The following FRAS1 variants were observed in gnomAD, a reference collection of about 807,000 sequenced individuals.
FRAS1 encodes Fraser extracellular matrix complex subunit 1.
In FRAS1, 290 loss-of-function variants were observed where a neutral mutation model predicts 435.2. The ratio of observed to expected loss-of-function variants is 0.67; its 90% CI spans 0.61 to 0.73. The LOEUF is 0.73. Among genes scored for constraint, FRAS1 ranks in the 30% least tolerant of loss-of-function variants. The pLI is 0.00. For missense variants in FRAS1, 4,860 were observed against 5,001.5 expected (o/e 0.97, Z 0.85); for synonymous variants, 1,800 against 1,851.0 (o/e 0.97, Z 0.71).
chr4:78,452,333 T>G lies in FRAS1; in HGVS notation c.6742T>G (p.Leu2248Val), dbSNP rs778088887. ...RITRQPQLGH[L>V]EHAASPGIQI... Reference sequence around the variant, plus strand: ...CACCAGACAGCCCCAGCTGGGCCACTTGGAACATGCAGCATCACCAGGTAA... The same window carrying G: ...CACCAGACAGCCCCAGCTGGGCCACGTGGAACATGCAGCATCACCAGGTAA... Residue 2248 changes from leucine (L) to valine (V), a missense_variant, in exon 47 of 74, where the codon TTG becomes GTG. Leu to Val is a conservative substitution (Grantham distance 32, BLOSUM62 1). Coordinates refer to ENST00000512123, the MANE Select transcript of FRAS1 (RefSeq NM_025074.7). The G allele has an allele frequency of 1.0e-5, 16 of 1,606,604 alleles. No homozygotes were observed. Among genetic ancestry groups the G allele is most frequent in the Non-Finnish European group, 1.3e-5 (15 of 1,177,996 alleles).
chr4:78,175,662 C>G (rs1211138380), intron 2 of FRAS1, among the ~76,000 whole-genome samples: 1 of 152,182 alleles, frequency 6.6e-6, no homozygotes, highest in Non-Finnish European at 1.5e-5. Flanking sequence ...TTCTGGGAAC[C>G]TGGAAGCAGA....
chr4:78,330,921 C>T (rs745503303), intron 18 of FRAS1, among the ~76,000 whole-genome samples: 1 of 152,150 alleles, frequency 6.6e-6, no homozygotes, highest in African/African-American at 2.4e-5. Flanking sequence ...TCCTCCTTCC[C>T]CTTTTGAAAC....
At position 78,452,331 on chromosome 4, in the gene FRAS1, A is replaced by G; in HGVS notation, c.6740A>G (p.His2247Arg). 1 of 1,606,794 alleles carries G rather than the reference A, an allele frequency of 6.2e-7. No homozygotes were observed. The highest frequency in any genetic ancestry group is 8.5e-7 in the Non-Finnish European group (1 of 1,178,052). Residue 2247 changes from histidine to arginine, a missense_variant, in exon 47 of 74, where the codon CAC becomes CGC. Coordinates refer to ENST00000512123, the MANE Select transcript of FRAS1 (RefSeq NM_025074.7). ...YRITRQPQLG[H>R]LEHAASPGIQ... is the part of the protein sequence containing the mutation. ...ATCACCAGACAGCCCCAGCTGGGCC[A>G]CTTGGAACATGCAGCATCACCAGGT...
At chr4:78,408,429 T>C (rs940504165) in intron 31 of FRAS1, among the ~76,000 whole-genome samples, 1 of 152,180 alleles carries the variant, frequency 6.6e-6, no homozygotes, top group African/African-American at 2.4e-5. Context: ...ATGTTTAGGT[T>C]AGATAATGGC....
intron 18 of FRAS1, among the ~76,000 whole-genome samples, chr4:78,329,412 T>C (rs764890950): frequency 6.6e-6 from 1 of 152,204 alleles, no homozygotes; most frequent in Admixed American, 6.5e-5. Flanking sequence ...TGTTTTCACT[T>C]TAATCGCTGT....
chr4:78,265,039 C>A lies in FRAS1; in HGVS notation c.618C>A (p.Val206=). Residue 206 remains valine (V), a synonymous_variant, in exon 7 of 74, where the codon GTC becomes GTA. Coordinates refer to ENST00000512123, the MANE Select transcript of FRAS1 (RefSeq NM_025074.7). ...TGCGTGTTAAGGATGAGACTGTAGT[C>A]CGAGTCCCTGGAAAATGTTGCCCGC... ...PLFCNQDETV[V]RVPGKCCPQC... 1.9e-6 allele frequency: 3 copies of A among 1,609,670 alleles called. No homozygotes were observed. The highest frequency in any genetic ancestry group is 2.6e-6 in the Non-Finnish European group (3 of 1,176,276).
intron 2 of FRAS1, among the ~76,000 whole-genome samples, chr4:78,232,614 T>C (rs912251363): frequency 6.6e-6 from 1 of 152,160 alleles, no homozygotes; most frequent in African/African-American, 2.4e-5. Flanking sequence ...ATAGGTCCAA[T>C]ACCTAGATGA....
intron 2 of FRAS1, among the ~76,000 whole-genome samples, chr4:78,081,032 T>C (rs1185062102): frequency 1.3e-5 from 2 of 152,172 alleles, no homozygotes; most frequent in Non-Finnish European, 2.9e-5. Flanking sequence ...CTTGATTTGT[T>C]TGGGGCCTAG....
chr4:78,387,684 G>C lies in FRAS1; in HGVS notation c.3958G>C (p.Val1320Leu). The C allele has an allele frequency of 6.5e-7, 1 of 1,528,216 alleles. No homozygotes were observed. The highest frequency in any genetic ancestry group is 1.4e-5 in the South Asian group (1 of 73,476). The allele number at this position is 1,528,216 out of a possible 1,614,324, so 94.7% of individuals were successfully genotyped here. A position where few individuals can be genotyped will look rare whatever the true frequency, so the allele number is the denominator to read the frequency against. ...GHSFHNILFQ[V>L]KTVPQNDRGL... ...CTCCTTCCATAATATACTGTTCCAA[G>C]TGAAGACCGTGCCTCAGGTAGGTGT... The change falls in exon 29 of 74, where the codon GTG (valine) becomes CTG (leucine). Residue 1320 changes from valine (V) to leucine (L), a missense_variant. Physicochemically the swap from Val to Leu is conservative, Grantham distance 32. Transcript: ENST00000512123.
At position 78,422,747 on chromosome 4, in the gene FRAS1, A is replaced by G. The variant is rs139480103; in HGVS notation, c.4678+747A>G. ...TGGAAGTTTTCAGGTATAGGGAACTAGGGAATGGCTTTTCAAAAGAAACTC... is the reference window on the plus strand; with the variant it reads ...TGGAAGTTTTCAGGTATAGGGAACTGGGGAATGGCTTTTCAAAAGAAACTC... On this transcript the variant is annotated intron_variant, in intron 34 of 73. Transcript: ENST00000512123. Among the ~76,000 whole-genome samples, 404 of 152,316 alleles carry G rather than the reference A, an allele frequency of 2.7e-3. 1 individual carries two copies. Among genetic ancestry groups the G allele is most frequent in the African/African-American group, 9.4e-3 (389 of 41,570 alleles).
intron 2 of FRAS1, among the ~76,000 whole-genome samples, chr4:78,232,759 T>C (rs907219863): frequency 6.6e-6 from 1 of 152,240 alleles, no homozygotes; most frequent in East Asian, 1.9e-4. Context: ...TCAATTCTTA[T>C]GAATAGATAT....
chr4:78,205,563 C>T (rs1723222168), intron 2 of FRAS1, among the ~76,000 whole-genome samples: 1 of 152,226 alleles, frequency 6.6e-6, no homozygotes, highest in Admixed American at 6.5e-5. Flanking sequence ...ATGTGAATTA[C>T]TCGAATCAGC....
At chr4:78,092,229 C>G (rs17002930) in intron 2 of FRAS1, among the ~76,000 whole-genome samples, 42,614 of 152,008 alleles carry the variant, frequency 0.28, 6,289 homozygotes, top group African/African-American at 0.35. Flanking sequence ...ATTTAAGCTA[C>G]GCACAACTCA....
intron 14 of FRAS1, 105 bp downstream of exon 14, chr4:78,286,644 A>T (rs1727622153): frequency 8.4e-7 from 1 of 1,192,332 alleles, no homozygotes; most frequent in South Asian, 1.5e-5. Flanking sequence ...CACTTTTTCA[A>T]ATAAGAGAAG....
intron 52 of FRAS1, among the ~76,000 whole-genome samples, 162 bp downstream of exon 52, chr4:78,472,492 C>T (rs762740445): frequency 1.3e-5 from 2 of 152,208 alleles, no homozygotes; most frequent in Non-Finnish European, 2.9e-5. Flanking sequence ...AATTTTATTT[C>T]TCCTGATTTT....
At chr4:78,285,496 G>A (rs1166548978) in intron 13 of FRAS1, among the ~76,000 whole-genome samples, 4 of 150,136 alleles carry the variant, frequency 2.7e-5, no homozygotes, top group South Asian at 4.3e-4. Context: ...TGGTGGCATG[G>A]TCTCGGCTCA....
chr4:78,482,133 A>G (rs1720030567), intron 57 of FRAS1, among the ~76,000 whole-genome samples, 169 bp downstream of exon 57: 1 of 152,216 alleles, frequency 6.6e-6, no homozygotes, highest in Non-Finnish European at 1.5e-5. Flanking sequence ...GGGATCTTCT[A>G]AAAACTCTCC....
At chr4:78,364,734 C>T (rs2110297459) in intron 22 of FRAS1, among the ~76,000 whole-genome samples, 1 of 152,290 alleles carries the variant, frequency 6.6e-6, no homozygotes, top group Non-Finnish European at 1.5e-5. Flanking sequence ...TAGGCTGATG[C>T]CACTTATTTT....
At chr4:78,364,225 G>A (rs1026725038) in intron 22 of FRAS1, among the ~76,000 whole-genome samples, 171 bp downstream of exon 22, 2 of 152,150 alleles carry the variant, frequency 1.3e-5, no homozygotes, top group African/African-American at 4.8e-5. Flanking sequence ...GCAGATTATG[G>A]CTCAGATATC....
Sources: gnomAD v4.1 joint callset for allele counts (sites outside exome capture counted in the v4.1 genomes callset) on GRCh38, gnomAD v4.1.1 for gene constraint, MANE v1.5 for transcripts, NCBI Gene and HGNC (gene_info 2026-07-23, HGNC 2026-07-21) for gene names.